The following SMARCA2 variants were observed in gnomAD, a reference collection of about 807,000 sequenced individuals.
The protein encoded by SMARCA2 is SWI/SNF-related matrix-associated actin-dependent regulator of chromatin subfamily A member 2.
SMARCA2 carries 61 observed loss-of-function variants against 199.8 expected under a neutral mutation model. That is an observed-to-expected ratio of 0.31 (90% CI 0.25 to 0.38). The LOEUF is 0.38. Ranked by LOEUF, SMARCA2 falls within the 10% of genes least tolerant of loss-of-function variation. SMARCA2 has a pLI of 1.00. For missense variants in SMARCA2, 1,344 were observed against 2,012.2 expected, an observed-to-expected ratio of 0.67 and a Z score of 6.35; for synonymous variants, 935 against 732.0, an observed-to-expected ratio of 1.28 and a Z score of -4.48.
chr9:2,027,596 A>G (rs1818889512), intron 1 of SMARCA2: 1 of 152,234 alleles, frequency 6.6e-6, no homozygotes, highest in Non-Finnish European at 1.5e-5. Context: ...GAAACTGAGC[A>G]TGGCCTGCCT....
At chr9:2,021,470 T>C (rs1308149612) in intron 1 of SMARCA2, among the ~76,000 whole-genome samples, 1 of 152,248 alleles carries the variant, frequency 6.6e-6, no homozygotes, top group East Asian at 1.9e-4. Flanking sequence ...TGATTATATA[T>C]TTCTTTACCT....
rs1826196142 is a variant in SMARCA2, at chr9:2,170,582, C to T, written c.4253+110C>T. ...TGGAAGCAAATTTCTTCGGTCACCT[C>T]CTGATCACCCCTACTTGGAGAGCGG... On this transcript the variant is annotated intron_variant, in intron 29 of 33. Coordinates refer to ENST00000349721, the MANE Select transcript of SMARCA2 (RefSeq NM_003070.5). The surrounding 1 kb of genome is among the most constrained non-coding windows in gnomAD (Gnocchi z 4.7). 12 of 1,544,772 alleles carry T rather than the reference C, an allele frequency of 7.8e-6. 1 individual carries two copies. The Admixed American group carries it at 1.5e-4, about 20-fold the overall frequency.
In SMARCA2 at chr9:2,017,314, G is replaced by A. The variant is rs1818398539; in HGVS notation, c.-37+1910G>A. 1 of 152,366 alleles carries A rather than the reference G, an allele frequency of 6.6e-6. No individual in the cohort carries two copies. Among genetic ancestry groups the A allele is most frequent in the Non-Finnish European group, 1.5e-5 (1 of 68,292 alleles). The allele number at this position is 152,366 out of a possible 1,614,324, so 9.4% of individuals were successfully genotyped here. A position where few individuals can be genotyped will look rare whatever the true frequency, so the allele number is the denominator to read the frequency against. ...GGCAGGGCGGCTAAGTAGGGTGGAG[G>A]GGTGGGAGGGGGCTGCGAGCTCCCG... is the stretch of plus-strand genomic sequence containing the variant. On this transcript the variant is annotated intron_variant, in intron 1 of 33. Coordinates refer to ENST00000349721, the MANE Select transcript of SMARCA2 (RefSeq NM_003070.5). This position sits in a 1 kb window ranked among gnomAD's most constrained non-coding sequence, Gnocchi z 8.8.
chr9:2,117,274 A>C (rs184127636), intron 25 of SMARCA2, among the ~76,000 whole-genome samples: 1 of 152,332 alleles, frequency 6.6e-6, no homozygotes, highest in African/African-American at 2.4e-5. Flanking sequence ...TGCAAATTGA[A>C]GAGCACTTTT....
chr9:2,068,943 G>GTC (rs1199157966), intron 9 of SMARCA2: 2 of 151,050 alleles, frequency 1.3e-5, no homozygotes, highest in African/African-American at 2.4e-5. Context: ...TTGAGACACA[G>GTC]TCTCTCTCTG....
chr9:2,050,481 A>G (rs1326323146), intron 5 of SMARCA2, among the ~76,000 whole-genome samples: 1 of 152,188 alleles, frequency 6.6e-6, no homozygotes, highest in Non-Finnish European at 1.5e-5. Context: ...TGCCTGGAAG[A>G]TGTATTTCAC....
At chr9:2,088,765 A>G (rs1271475353) in intron 19 of SMARCA2, 152 bp downstream of exon 19, 1 of 556,408 alleles carries the variant, frequency 1.8e-6, no homozygotes. Flanking sequence ...TTTGTTTGAT[A>G]GGGCTAGAGA....
At chr9:2,152,494 A>C (rs1192223560) in intron 27 of SMARCA2, among the ~76,000 whole-genome samples, 1 of 152,198 alleles carries the variant, frequency 6.6e-6, no homozygotes, top group Admixed American at 6.5e-5. Flanking sequence ...CAGAGGCTGC[A>C]GTGAGCTGAG....
At chr9:2,187,038 G>A (rs1243106110) in intron 32 of SMARCA2, among the ~76,000 whole-genome samples, 1 of 152,118 alleles carries the variant, frequency 6.6e-6, no homozygotes, top group Non-Finnish European at 1.5e-5. Context: ...GATGATGTTG[G>A]GCCAAGGACC....
At chr9:2,031,327 G>C (rs1051532839) in intron 2 of SMARCA2, among the ~76,000 whole-genome samples, 1 of 152,090 alleles carries the variant, frequency 6.6e-6, no homozygotes, top group African/African-American at 2.4e-5. Flanking sequence ...TGACATCCAA[G>C]TCCTGAAATT....
At position 2,123,482 on chromosome 9, in the gene SMARCA2, C is replaced by T. The variant is rs1176024198; in HGVS notation, c.3763-237C>T. On this transcript the variant is annotated intron_variant, in intron 26 of 33. Coordinates refer to ENST00000349721, the MANE Select transcript of SMARCA2 (RefSeq NM_003070.5). The surrounding 1 kb of genome is among the most constrained non-coding windows in gnomAD (Gnocchi z 4.1). ...AAGAAAAGGAAATTCTTTAAAAGTACTTTTTAAATGTATGAATAAGTTTCA... is the reference window on the plus strand; with the variant it reads ...AAGAAAAGGAAATTCTTTAAAAGTATTTTTTAAATGTATGAATAAGTTTCA... Among the ~76,000 whole-genome samples the T allele has an allele frequency of 6.6e-6, 1 of 152,072 alleles. No individual in the cohort carries two copies. The highest frequency in any genetic ancestry group is 2.4e-5 in the African/African-American group (1 of 41,422).
At chr9:2,077,816 C>G (rs1224678908) in intron 14 of SMARCA2, 40 bp downstream of exon 14, 1 of 1,558,484 alleles carries the variant, frequency 6.4e-7, no homozygotes, top group African/African-American at 1.4e-5. Flanking sequence ...AAGTTGTAAC[C>G]ATTTACCTAA....
Position 2,161,931 on chromosome 9 carries a change from C to A in SMARCA2, c.4199+28C>A. 1 of 1,577,938 alleles carries A rather than the reference C, an allele frequency of 6.3e-7. No individual in the cohort carries two copies. The highest frequency in any genetic ancestry group is 1.1e-5 in the South Asian group (1 of 89,698). On this transcript the variant is annotated intron_variant, in intron 28 of 33. Transcript: ENST00000349721. The surrounding 1 kb of genome is among the most constrained non-coding windows in gnomAD (Gnocchi z 4.7). ...GAGTGTTTGGTTCCTTCACCTTGAT[C>A]ATCTCTCACCAAGACGCCGAGTGGC...
In SMARCA2 at chr9:2,056,867, C is replaced by T. The variant is rs1820376463; in HGVS notation, c.1347+22C>T. ...CCAGGTTCTTAGACCCTGGGCTTTG[C>T]TCACCCTCACTTTGGCAGAGCTGTC... On this transcript the variant is annotated intron_variant, in intron 7 of 33. Coordinates refer to ENST00000349721, the MANE Select transcript of SMARCA2 (RefSeq NM_003070.5). This position sits in a 1 kb window ranked among gnomAD's most constrained non-coding sequence, Gnocchi z 4.0. 2 of 1,604,842 alleles carry T rather than the reference C, an allele frequency of 1.2e-6. No homozygotes were observed. The highest frequency in any genetic ancestry group is 8.5e-7 in the Non-Finnish European group (1 of 1,175,332).
At chr9:2,177,391 G>A (rs9298820) in intron 29 of SMARCA2, among the ~76,000 whole-genome samples, 95,314 of 151,928 alleles carry the variant, frequency 0.63, 30,020 homozygotes, top group Admixed American at 0.72. Context: ...TTCAGCTATG[G>A]TTAAGATTTC....
chr9:2,080,527 T>A (rs1274681274), intron 14 of SMARCA2, among the ~76,000 whole-genome samples: 1 of 152,232 alleles, frequency 6.6e-6, no homozygotes, highest in Admixed American at 6.5e-5. Context: ...TCTAGTGGTT[T>A]CAGGGTCACG....
At chr9:2,175,236 AC>A (rs1239518269) in intron 29 of SMARCA2, among the ~76,000 whole-genome samples, 1 of 152,138 alleles carries the variant, frequency 6.6e-6, no homozygotes, top group Non-Finnish European at 1.5e-5. Context: ...CCATCCTAAG[AC>A]AGTATTTCCG....
chr9:2,114,264 G>A lies in SMARCA2; in HGVS notation c.3457-1558G>A, dbSNP rs911150080. 2.6e-5 allele frequency among the ~76,000 whole-genome samples: 4 copies of A among 152,296 alleles called. No individual in the cohort carries two copies. In the South Asian group the frequency reaches 8.3e-4, roughly 32 times the overall value. On this transcript the variant is annotated intron_variant, in intron 24 of 33. Transcript: ENST00000349721. Reference sequence around the variant, plus strand: ...AATAATCTAATATAGATGGGTCCCAGCTGTTTTCATGGCTTAGCACTATGA... The same window carrying A: ...AATAATCTAATATAGATGGGTCCCAACTGTTTTCATGGCTTAGCACTATGA...
At chr9:2,183,334 A>G (rs540275038) in intron 31 of SMARCA2, among the ~76,000 whole-genome samples, 3 of 152,206 alleles carry the variant, frequency 2.0e-5, no homozygotes, top group Non-Finnish European at 4.4e-5. Flanking sequence ...GCCCAATTGC[A>G]ATTCTCTTTT....
Sources: allele counts gnomAD v4.1 joint callset (sites outside exome capture counted in the v4.1 genomes callset), GRCh38; gene constraint gnomAD v4.1.1; non-coding constraint Gnocchi (gnomAD v3.1); transcripts MANE v1.5; gene names NCBI Gene and HGNC (gene_info 2026-07-23, HGNC 2026-07-21).